DSCAM: variants seen among roughly 807,000 people sequenced by gnomAD.
DSCAM encodes DS cell adhesion molecule.
DSCAM carries 47 observed loss-of-function variants against 217.7 expected under a neutral mutation model. The ratio of observed to expected loss-of-function variants is 0.22; its 90% CI spans 0.17 to 0.28. The LOEUF (loss-of-function observed/expected upper bound fraction) is 0.28. Among genes scored for constraint, DSCAM ranks in the 10% least tolerant of loss-of-function variants. DSCAM has a pLI of 1.00. For missense variants in DSCAM, 2,080 were observed against 2,618.3 expected (o/e 0.79, Z 4.49); for synonymous variants, 1,056 against 1,015.3 (o/e 1.04, Z -0.76).
chr21:40,693,024 G>A, intron 2 of DSCAM, 68 bp from the exon 3 acceptor site: 1 of 1,546,314 alleles, frequency 6.5e-7, no homozygotes, highest in Non-Finnish European at 8.9e-7. Flanking sequence ...GTATCTCACT[G>A]TAATATATAC....
intron 11 of DSCAM, among the ~76,000 whole-genome samples, chr21:40,261,066 G>A (rs1225760793): frequency 6.6e-6 from 1 of 152,148 alleles, no homozygotes; most frequent in African/African-American, 2.4e-5. Flanking sequence ...CATGAGCATT[G>A]TTCAAAGAAA....
At chr21:40,269,525 T>C (rs1170626155) in intron 11 of DSCAM, among the ~76,000 whole-genome samples, 1 of 152,204 alleles carries the variant, frequency 6.6e-6, no homozygotes, top group Non-Finnish European at 1.5e-5. Context: ...ACTGAGTGTA[T>C]GGTGTCCCGG....
intron 3 of DSCAM, among the ~76,000 whole-genome samples, chr21:40,609,695 G>C (rs781061538): frequency 1.6e-4 from 24 of 152,176 alleles, no homozygotes; most frequent in Non-Finnish European, 2.6e-4. Context: ...TGAATTGTTG[G>C]GGAAGATGGT....
chr21:40,106,757 T>C (rs911878131), intron 20 of DSCAM, among the ~76,000 whole-genome samples: 1 of 152,228 alleles, frequency 6.6e-6, no homozygotes, highest in African/African-American at 2.4e-5. Flanking sequence ...TTTATGTGCA[T>C]AGAGGTGTTC....
chr21:40,029,248 G>A (rs550846697), intron 32 of DSCAM, among the ~76,000 whole-genome samples: 1 of 152,220 alleles, frequency 6.6e-6, no homozygotes, highest in African/African-American at 2.4e-5. Context: ...GTCAAGAGAA[G>A]CCATTACATG....
chr21:40,343,410 T>C (rs1240228549), intron 6 of DSCAM, among the ~76,000 whole-genome samples: 5 of 152,200 alleles, frequency 3.3e-5, no homozygotes, highest in Non-Finnish European at 1.5e-5. Flanking sequence ...AGTATGATTT[T>C]AGCTGTAGAT....
intron 32 of DSCAM, among the ~76,000 whole-genome samples, chr21:40,022,343 G>A (rs77398633): frequency 0.04 from 6,164 of 152,272 alleles, 778 homozygotes; most frequent in East Asian, 0.4. Flanking sequence ...CCCCTGCCAC[G>A]AAGAATGATC....
At chr21:40,131,618 T>A (rs1301304829) in intron 19 of DSCAM, among the ~76,000 whole-genome samples, 1 of 152,080 alleles carries the variant, frequency 6.6e-6, no homozygotes, top group Non-Finnish European at 1.5e-5. Context: ...AGAGACAGGG[T>A]TTCACCATGT....
In DSCAM at chr21:40,684,149, G is replaced by A. The variant is rs368825294; in HGVS notation, c.508+8661C>T. ...TGAGGCAGGAGAATCACTTGAACTCGGTGGAGAAGAGGTTGCAATGAGCCG... is the reference window on the plus strand; with the variant it reads ...TGAGGCAGGAGAATCACTTGAACTCAGTGGAGAAGAGGTTGCAATGAGCCG... On this transcript the variant is annotated intron_variant, in intron 3 of 32. Transcript: ENST00000400454. Among the ~76,000 whole-genome samples the A allele has an allele frequency of 1.7e-4, 26 of 151,846 alleles. No individual in the cohort carries two copies. The East Asian group carries it at 1.7e-3, about 10-fold the overall frequency.
intron 3 of DSCAM, among the ~76,000 whole-genome samples, chr21:40,610,251 C>T (rs968925658): frequency 3.9e-5 from 6 of 152,322 alleles, no homozygotes; most frequent in Non-Finnish European, 7.4e-5. Context: ...CCATCTGCTG[C>T]CCTGACGGCC....
At chr21:40,031,405 C>T (rs1185133527) in intron 32 of DSCAM, among the ~76,000 whole-genome samples, 3 of 152,120 alleles carry the variant, frequency 2.0e-5, no homozygotes, top group Non-Finnish European at 2.9e-5. Context: ...GTATTGAATC[C>T]CTACTGATTG....
intron 21 of DSCAM, among the ~76,000 whole-genome samples, chr21:40,089,166 A>ATGCCCATTT (rs1191494117): frequency 6.6e-6 from 1 of 152,206 alleles, no homozygotes; most frequent in Non-Finnish European, 1.5e-5. Flanking sequence ...CTATCGCTCA[A>ATGCCCATTT]TGCCCATTTT....
At position 40,660,423 on chromosome 21, in the gene DSCAM, A is replaced by G. The variant is rs1358302744; in HGVS notation, c.508+32387T>C. ...AGAAATTTATATTGTAACAACAACA[A>G]TAACACCCATCTACAATCCCTTATC... On this transcript the variant is annotated intron_variant, in intron 3 of 32. Transcript: ENST00000400454. Among the ~76,000 whole-genome samples, 3 of 152,212 alleles carry G rather than the reference A, an allele frequency of 2.0e-5. No individual in the cohort carries two copies. The South Asian group carries it at 6.2e-4, about 32-fold the overall frequency.
chr21:40,427,005 C>T (rs1197169804), intron 3 of DSCAM, among the ~76,000 whole-genome samples: 2 of 152,156 alleles, frequency 1.3e-5, no homozygotes, highest in African/African-American at 4.8e-5. Flanking sequence ...GTGTCAGCCC[C>T]GGGACCTGAT....
At chr21:40,358,585 T>G (rs2074721624) in intron 4 of DSCAM, among the ~76,000 whole-genome samples, 2 of 152,058 alleles carry the variant, frequency 1.3e-5, no homozygotes, top group Non-Finnish European at 2.9e-5. Context: ...GGCAGGCAGA[T>G]CACATGAGGT....
chr21:40,506,608 A>G (rs993726776), intron 3 of DSCAM, among the ~76,000 whole-genome samples: 5 of 152,316 alleles, frequency 3.3e-5, no homozygotes, highest in South Asian at 2.1e-4. Flanking sequence ...TCGAGTTTGT[A>G]TATATGGCCA....
intron 23 of DSCAM, 63 bp downstream of exon 23, chr21:40,085,539 A>C: frequency 7.4e-7 from 1 of 1,360,164 alleles, no homozygotes. Context: ...GTTCAGTGCT[A>C]CTTTTTGCAT....
intron 32 of DSCAM, among the ~76,000 whole-genome samples, chr21:40,015,878 C>T (rs749809793): frequency 6.6e-5 from 10 of 152,234 alleles, no homozygotes; most frequent in Non-Finnish European, 1.5e-4. Context: ...TGGACTGACG[C>T]TGGGTCTGAG....
chr21:40,279,353 G>A (rs2073729383), intron 10 of DSCAM, among the ~76,000 whole-genome samples: 1 of 138,496 alleles, frequency 7.2e-6, no homozygotes, highest in Non-Finnish European at 1.6e-5. Context: ...ACTTTTATGT[G>A]GCCAAGAAAC....
Sources: allele counts gnomAD v4.1 joint callset (sites outside exome capture counted in the v4.1 genomes callset), GRCh38; gene constraint gnomAD v4.1.1; transcripts MANE v1.5; gene names NCBI Gene and HGNC (gene_info 2026-07-23, HGNC 2026-07-21).